The following NRG2 variants were observed in gnomAD, a reference collection of about 807,000 sequenced individuals.
The protein encoded by NRG2 is neuregulin 2.
In NRG2, 27 loss-of-function variants were observed where a neutral mutation model predicts 73.9. The observed-to-expected ratio is 0.37, with a 90% CI of 0.27 to 0.50. The LOEUF (loss-of-function observed/expected upper bound fraction) is 0.50. Ranked by LOEUF, NRG2 falls within the 20% of genes least tolerant of loss-of-function variation. The pLI, the probability that NRG2 is intolerant of heterozygous loss-of-function variation, is 0.96. For synonymous variants in NRG2, 532 were observed against 541.0 expected, an observed-to-expected ratio of 0.98 and a Z score of 0.23; for missense variants, 1,126 against 1,210.1, an observed-to-expected ratio of 0.93 and a Z score of 1.03.
chr5:139,962,408 A>G (rs1755138717), intron 1 of NRG2, among the ~76,000 whole-genome samples: 1 of 152,238 alleles, frequency 6.6e-6, no homozygotes, highest in South Asian at 2.1e-4. Context: ...ATTTGCTTGG[A>G]GAAGACTGAG....
chr5:139,890,330 C>T (rs1329123812), intron 1 of NRG2, among the ~76,000 whole-genome samples: 1 of 152,174 alleles, frequency 6.6e-6, no homozygotes, highest in African/African-American at 2.4e-5. Context: ...AGTGCTCATC[C>T]TAGTGATTTG....
At chr5:139,950,236 C>G (rs115488388) in intron 1 of NRG2, among the ~76,000 whole-genome samples, 1 of 152,166 alleles carries the variant, frequency 6.6e-6, no homozygotes. Context: ...GGGACACAGA[C>G]GATTAATGCT....
chr5:140,025,449 G>C (rs1263930355), intron 1 of NRG2, among the ~76,000 whole-genome samples: 1 of 152,040 alleles, frequency 6.6e-6, no homozygotes, highest in Non-Finnish European at 1.5e-5. Context: ...TTTTCCCTCA[G>C]TTAATGTTTA....
Position 139,865,024 on chromosome 5 carries a change from C to T in NRG2, c.1189+525G>A, listed in dbSNP as rs1260133168. ...GGAGCGCAGGACACCCTCTACATCT[C>T]CCCCTAGTCTTGCTAAGCAAGGCCC... On this transcript the variant is annotated intron_variant, in intron 5 of 9. Transcript: ENST00000361474. This position sits in a 1 kb window ranked among gnomAD's most constrained non-coding sequence, Gnocchi z 5.2. 1.3e-5 allele frequency: 14 copies of T among 1,089,096 alleles called. No individual in the cohort carries two copies. The highest frequency in any genetic ancestry group is 1.9e-5 in the Non-Finnish European group (13 of 702,466). The allele number at this position is 1,089,096 out of a possible 1,614,324, so 67.5% of individuals were successfully genotyped here.
rs1317866090 is a variant in NRG2, at chr5:139,887,216, G to A, written c.872+124C>T. On this transcript the variant is annotated intron_variant, in intron 2 of 9. Coordinates refer to ENST00000361474, the MANE Select transcript of NRG2 (RefSeq NM_004883.3). The surrounding 1 kb of genome is among the most constrained non-coding windows in gnomAD (Gnocchi z 4.5). ...GCAAGGAAGGGGAGTATGGAGAGGG[G>A]CTGGGACTGGTTCCATGGGTGAGTC... is the stretch of plus-strand genomic sequence containing the variant. 1 of 1,129,188 alleles carries A rather than the reference G, an allele frequency of 8.9e-7. No homozygotes were observed. The highest frequency in any genetic ancestry group is 1.3e-6 in the Non-Finnish European group (1 of 767,200). 69.9% of individuals were successfully genotyped at this position (1,129,188 alleles called of 1,614,324 possible).
rs571735097 is a variant in NRG2, at chr5:139,959,285, C to T, written c.701-71774G>A. ...CACGATCTCAGCTCACTGCAACCTC[C>T]GCCTCCCAGTCTCAAGCGATTCTCC... is the stretch of plus-strand genomic sequence containing the variant. On this transcript the variant is annotated intron_variant, in intron 1 of 9. Transcript: ENST00000361474. 1.1e-4 allele frequency among the ~76,000 whole-genome samples: 17 copies of T among 151,884 alleles called. No homozygotes were observed. In the East Asian group the frequency reaches 2.3e-3, roughly 21 times the overall value.
intron 2 of NRG2, among the ~76,000 whole-genome samples, chr5:139,882,635 A>G (rs13355715): frequency 3.0e-3 from 449 of 152,066 alleles, no homozygotes; most frequent in African/African-American, 8.1e-3. Context: ...CAGCTTGCCC[A>G]GGGTATGGCT....
At chr5:139,911,898 T>G (rs1034268154) in intron 1 of NRG2, among the ~76,000 whole-genome samples, 1 of 152,174 alleles carries the variant, frequency 6.6e-6, no homozygotes, top group Non-Finnish European at 1.5e-5. Flanking sequence ...AATGACATAA[T>G]GACTTGTTTG....
At chr5:139,947,392 A>T (rs2126450893) in intron 1 of NRG2, among the ~76,000 whole-genome samples, 2 of 152,294 alleles carry the variant, frequency 1.3e-5, no homozygotes, top group South Asian at 4.1e-4. Flanking sequence ...GTTCATCCAC[A>T]TTGTAGCATG....
rs748615118 is a variant in NRG2 at position 139,904,425 on chromosome 5, G to T, written c.701-16914C>A. The T allele has an allele frequency of 1.2e-5, 17 of 1,365,446 alleles. No individual in the cohort carries two copies. The East Asian group carries it at 3.7e-4, about 29-fold the overall frequency. The allele number at this position is 1,365,446 out of a possible 1,614,324, so 84.6% of individuals were successfully genotyped here. ...TGCACGGGGTCCCAGGCGGTGGGAC[G>T]GCCTCAGCTCTCCGCTGCCGCGCTG... On this transcript the variant is annotated intron_variant, in intron 1 of 9. Coordinates refer to ENST00000361474, the MANE Select transcript of NRG2 (RefSeq NM_004883.3). The surrounding 1 kb of genome is among the most constrained non-coding windows in gnomAD (Gnocchi z 6.0).
rs140752692 is a variant in NRG2 at position 139,901,507 on chromosome 5, C to G, written c.701-13996G>C. Among the ~76,000 whole-genome samples, 660 of 152,316 alleles carry G rather than the reference C, an allele frequency of 4.3e-3. 6 individuals are homozygous for G. The highest frequency in any genetic ancestry group is 0.015 in the African/African-American group (637 of 41,564). On this transcript the variant is annotated intron_variant, in intron 1 of 9. Transcript: ENST00000361474. ...CACATGAGCATATCCCACCTCTGAC[C>G]TGGTCCTGGACAGCCTAAAGAAGGG... is the stretch of plus-strand genomic sequence containing the variant.
chr5:139,908,681 C>T (rs1441779999), intron 1 of NRG2, among the ~76,000 whole-genome samples: 1 of 152,168 alleles, frequency 6.6e-6, no homozygotes, highest in Non-Finnish European at 1.5e-5. Context: ...TGGTGTTGCT[C>T]AAGAAGATAG....
At chr5:140,006,524 T>A (rs548762870) in intron 1 of NRG2, among the ~76,000 whole-genome samples, 12 of 152,384 alleles carry the variant, frequency 7.9e-5, no homozygotes, top group African/African-American at 2.4e-4. Flanking sequence ...TCTAGTAGTC[T>A]GAAAATTGGT....
chr5:139,948,147 A>T (rs1312816839), intron 1 of NRG2, among the ~76,000 whole-genome samples: 1 of 152,216 alleles, frequency 6.6e-6, no homozygotes, highest in Non-Finnish European at 1.5e-5. Context: ...TAGGCACCTC[A>T]TATCAATAGA....
intron 1 of NRG2, among the ~76,000 whole-genome samples, chr5:139,897,741 G>A (rs1382211060): frequency 6.6e-6 from 1 of 152,180 alleles, no homozygotes; most frequent in East Asian, 1.9e-4. Context: ...GGTAATCCCA[G>A]AGCCCCTTCC....
At chr5:139,937,210 C>A (rs1293560540) in intron 1 of NRG2, among the ~76,000 whole-genome samples, 1 of 152,192 alleles carries the variant, frequency 6.6e-6, no homozygotes, top group Non-Finnish European at 1.5e-5. Context: ...GTAATTCACT[C>A]TATTAACAAA....
At chr5:140,021,563 A>C (rs963660824) in intron 1 of NRG2, among the ~76,000 whole-genome samples, 2 of 152,208 alleles carry the variant, frequency 1.3e-5, no homozygotes, top group African/African-American at 4.8e-5. Flanking sequence ...ATACTACACA[A>C]AGCACTCAGG....
At chr5:139,872,919 C>G (rs973213852) in intron 3 of NRG2, among the ~76,000 whole-genome samples, 1 of 152,164 alleles carries the variant, frequency 6.6e-6, no homozygotes, top group African/African-American at 2.4e-5. Context: ...GAGGGCCTCT[C>G]GTTCCCACCC....
intron 1 of NRG2, among the ~76,000 whole-genome samples, chr5:140,028,218 G>A (rs1234849701): frequency 6.6e-6 from 1 of 152,176 alleles, no homozygotes; most frequent in Non-Finnish European, 1.5e-5. Context: ...TTAATGTCCT[G>A]GTTTTAATCA....
Sources: gnomAD v4.1 joint callset for allele counts (sites outside exome capture counted in the v4.1 genomes callset) on GRCh38, gnomAD v4.1.1 for gene constraint, Gnocchi (gnomAD v3.1) non-coding constraint, MANE v1.5 for transcripts, NCBI Gene and HGNC (gene_info 2026-07-23, HGNC 2026-07-21) for gene names.